Variants in DDX59 observed in about 807,000 individuals in gnomAD.
DDX59 encodes the protein DEAD-box helicase 59.
A neutral mutation model predicts 51.9 loss-of-function variants in DDX59; 30 were observed. That is an observed-to-expected ratio of 0.58 (90% CI 0.43 to 0.78). The LOEUF is 0.78. DDX59 is among the 30% of genes least tolerant of loss of function. The pLI is 0.00. For synonymous variants in DDX59, 255 were observed against 253.3 expected (o/e 1.01, Z -0.06); for missense variants, 672 against 730.8 (o/e 0.92, Z 0.93).
chr1:200,643,504 G>A (rs1265772721), downstream of DDX59, among the ~76,000 whole-genome samples: 4 of 151,568 alleles, frequency 2.6e-5, no homozygotes, highest in African/African-American at 7.3e-5. Context: ...TTAGCCGGGC[G>A]TGGTGGCAGG....
At chr1:200,644,836 C>A (rs1169077469) in intron 7 of DDX59, among the ~76,000 whole-genome samples, 1 of 131,540 alleles carries the variant, frequency 7.6e-6, no homozygotes, top group Non-Finnish European at 1.5e-5. Context: ...GCGGAGCTTG[C>A]AATGAGCTGA....
rs1661155239 is a variant in DDX59 at position 200,644,296 on chromosome 1, C to T, written c.1818G>A (p.Met606Ile). 1 of 1,590,348 alleles carries T rather than the reference C, an allele frequency of 6.3e-7. No homozygotes were observed. The highest frequency in any genetic ancestry group is 1.8e-5 in the Admixed American group (1 of 55,368). ...QNDLVTGANL[M>I]DIIRKHDKSN... ...TTTTATCATGTTTTCTGATAATATCCATAAGATTAGCTCCTGTAACCAGAT... is the reference window on the plus strand; with the variant it reads ...TTTTATCATGTTTTCTGATAATATCTATAAGATTAGCTCCTGTAACCAGAT... The change falls in exon 8 of 8, where the codon ATG becomes ATA. Residue 606 changes from methionine to isoleucine, a missense_variant. Transcript: ENST00000331314.
At chr1:200,656,694 T>C (rs1352106588) in intron 4 of DDX59, among the ~76,000 whole-genome samples, 1 of 152,184 alleles carries the variant, frequency 6.6e-6, no homozygotes, top group African/African-American at 2.4e-5. Context: ...ACCATAATGG[T>C]GAGCACAGCA....
intron 1 of DDX59, among the ~76,000 whole-genome samples, chr1:200,667,138 C>T (rs570371637): frequency 2.0e-5 from 3 of 151,762 alleles, no homozygotes; most frequent in African/African-American, 7.3e-5. Context: ...GGCGTGGTGG[C>T]TCACACCTGT....
intron 3 of DDX59, among the ~76,000 whole-genome samples, chr1:200,660,530 C>T (rs1364472402): frequency 1.3e-5 from 2 of 152,026 alleles, no homozygotes; most frequent in Admixed American, 1.3e-4. Context: ...TCGCTGTGGG[C>T]AGGGCGGTGC....
chr1:200,659,136 CA>C lies in DDX59; in HGVS notation c.973-21del, dbSNP rs756535745. The C allele has an allele frequency of 6.3e-7, 1 of 1,580,816 alleles. No individual in the cohort carries two copies. The highest frequency in any genetic ancestry group is 8.7e-7 in the Non-Finnish European group (1 of 1,154,622). ...GATAACCTAAATAAAAGAGAAAAAGCAAATTAAAAAAATCAGTAATAGCTAT... is the reference window on the plus strand; with the variant it reads ...GATAACCTAAATAAAAGAGAAAAAGCAATTAAAAAAATCAGTAATAGCTAT... On this transcript the variant is annotated intron_variant, in intron 3 of 7. Transcript: ENST00000331314.
downstream of DDX59, chr1:200,643,895 A>G (rs1661127989): frequency 6.1e-6 from 1 of 163,050 alleles, no homozygotes; most frequent in Non-Finnish European, 1.3e-5. Flanking sequence ...ATTCAACAGT[A>G]ATTTAAGTGC....
At chr1:200,669,630 C>G (rs1663034539) in intron 1 of DDX59, 137 bp downstream of exon 1, 1 of 152,322 alleles carries the variant, frequency 6.6e-6, no homozygotes, top group African/African-American at 2.4e-5. Flanking sequence ...CGGGTAGAGG[C>G]CTGGGACACG....
intron 3 of DDX59, among the ~76,000 whole-genome samples, chr1:200,663,617 T>C (rs916499928): frequency 6.6e-6 from 1 of 152,200 alleles, no homozygotes; most frequent in Admixed American, 6.5e-5. Context: ...TTCTCAACTA[T>C]AAAAGATGGA....
At chr1:200,655,023 G>A (rs371468804) in intron 4 of DDX59, 4 of 152,172 alleles carry the variant, frequency 2.6e-5, no homozygotes, top group East Asian at 3.9e-4. Context: ...CATGGATTCC[G>A]ATGCCTATTT....
intron 2 of DDX59, among the ~76,000 whole-genome samples, chr1:200,664,666 CT>C (rs1662599049): frequency 1.3e-5 from 2 of 151,806 alleles, no homozygotes; most frequent in South Asian, 4.2e-4. Flanking sequence ...TTTATCTTTC[CT>C]CTCTTTGCCC....
At position 200,649,218 on chromosome 1, in the gene DDX59, T is replaced by C; in HGVS notation, c.1323A>G (p.Lys441=). The change falls in exon 6 of 8, where the codon AAA becomes AAG. Residue 441 remains lysine, a synonymous_variant. Transcript: ENST00000331314. ...KKLFEILNDK[K]LFKPPVLVFV... is the part of the protein sequence containing the mutation. ...ATACTAACACTGGAGGCTTAAAGAG[T>C]TTCTTATCCTGAAAAATTAAAAACA... 6.4e-7 allele frequency: 1 copy of C among 1,561,182 alleles called. No individual in the cohort carries two copies. Among genetic ancestry groups the C allele is most frequent in the Admixed American group, 2.2e-5 (1 of 45,016 alleles).
At chr1:200,662,554 G>C (rs904351134) in intron 3 of DDX59, among the ~76,000 whole-genome samples, 2 of 152,180 alleles carry the variant, frequency 1.3e-5, no homozygotes, top group South Asian at 4.1e-4. Flanking sequence ...TACTCTGGAG[G>C]CTGAGGCAGA....
At position 200,663,933 on chromosome 1, in the gene DDX59, G is replaced by C; in HGVS notation, c.958C>G (p.Gln320Glu). ...TCAGTGCTTACCTTAACATGTTGTT[G>C]CAGACGATAAAGCTGTGGGGGTAAG... Reference protein sequence around the residue: ...LPLPPQLYRLQQHVKVIIATP... With the variant: ...LPLPPQLYRLEQHVKVIIATP... Residue 320 changes from glutamine (Q) to glutamate (E), a missense_variant, in exon 3 of 8, where the codon CAA (glutamine) becomes GAA (glutamate). By Grantham distance (29) the Gln-to-Glu change is conservative. Transcript: ENST00000331314. The C allele has an allele frequency of 2.5e-6, 4 of 1,610,792 alleles. No individual in the cohort carries two copies. Among genetic ancestry groups the C allele is most frequent in the Non-Finnish European group, 3.4e-6 (4 of 1,179,052 alleles).
intron 4 of DDX59, among the ~76,000 whole-genome samples, chr1:200,652,087 A>G (rs1308962290): frequency 3.3e-5 from 5 of 150,606 alleles, no homozygotes; most frequent in Non-Finnish European, 7.4e-5. Flanking sequence ...GGGAACAATG[A>G]GGTATTTAAT....
In DDX59 at chr1:200,644,226, A is replaced by G. The variant is rs775179019; in HGVS notation, c.*28T>C. 127 of 1,484,352 alleles carry G rather than the reference A, an allele frequency of 8.6e-5. 1 individual carries two copies. In the Middle Eastern group the frequency reaches 1.1e-3, roughly 13 times the overall value. 91.9% of individuals were successfully genotyped at this position (1,484,352 alleles called of 1,614,324 possible). On this transcript the variant is annotated 3_prime_UTR_variant, in exon 8 of 8. Transcript: ENST00000331314. The stretch of plus-strand genomic sequence containing the variant: ...AATTTTTTGCTGACTATATACAATA[A>G]AAAAAAATATTCAAGTGGCAGAGAA...
intron 2 of DDX59, 100 bp from the exon 3 acceptor site, chr1:200,664,186 A>G: frequency 7.4e-7 from 1 of 1,350,068 alleles, no homozygotes; most frequent in Non-Finnish European, 1.0e-6. Flanking sequence ...GCCCCTTTAA[A>G]GTGTTCCCAA....
At chr1:200,648,652 G>A in intron 6 of DDX59, 85 bp from the exon 7 acceptor site, 1 of 1,412,124 alleles carries the variant, frequency 7.1e-7, no homozygotes, top group Middle Eastern at 1.9e-4. Context: ...TTTTTATAAT[G>A]CTTACTTCAA....
intron 7 of DDX59, 39 bp from the exon 8 acceptor site, chr1:200,644,556 G>T (rs2102827894): frequency 1.3e-6 from 2 of 1,530,656 alleles, no homozygotes; most frequent in South Asian, 2.6e-5. Flanking sequence ...AGATGTCCAT[G>T]TAAAATCTTA....
Sources: allele counts gnomAD v4.1 joint callset (sites outside exome capture counted in the v4.1 genomes callset), GRCh38; gene constraint gnomAD v4.1.1; transcripts MANE v1.5; gene names NCBI Gene and HGNC (gene_info 2026-07-23, HGNC 2026-07-21).